Variants in PAG1 observed in about 807,000 individuals in gnomAD.
PAG1 encodes phosphoprotein associated with glycosphingolipid-enriched microdomains 1.
PAG1 carries 23 observed loss-of-function variants against 31.7 expected under a neutral mutation model. The observed-to-expected ratio is 0.73, with a 90% CI of 0.52 to 1.03. The LOEUF (loss-of-function observed/expected upper bound fraction) is 1.03, where lower values mean the gene tolerates loss of function less well. Ranked by LOEUF, PAG1 falls within the 50% of genes least tolerant of loss-of-function variation. The pLI is 0.00. For synonymous variants in PAG1, 214 were observed against 210.3 expected, an observed-to-expected ratio of 1.02 and a Z score of -0.15; for missense variants, 473 against 540.7, an observed-to-expected ratio of 0.87 and a Z score of 1.24.
Position 80,974,560 on chromosome 8 carries a change from TACCTCAAC to T in PAG1, c.*1976_*1983del. ...GCAAAATAATGACAACCAACCAGTT[TACCTCAAC>T]ATAGCTCACTCTGCAATGTCAGACA... On this transcript the variant is annotated 3_prime_UTR_variant, in exon 9 of 9. Coordinates refer to ENST00000220597, the MANE Select transcript of PAG1 (RefSeq NM_018440.4). The T allele has an allele frequency of 6.6e-6, 1 of 152,324 alleles. No individual in the cohort carries two copies. The highest frequency in any genetic ancestry group is 1.5e-5 in the Non-Finnish European group (1 of 68,024). The allele number at this position is 152,324 out of a possible 1,614,324, so 9.4% of individuals were successfully genotyped here. A position where few individuals can be genotyped will look rare whatever the true frequency, so the allele number is the denominator to read the frequency against.
chr8:81,015,422 T>C (rs1030679020), intron 3 of PAG1, among the ~76,000 whole-genome samples: 8 of 152,218 alleles, frequency 5.3e-5, no homozygotes, highest in Non-Finnish European at 1.0e-4. Context: ...ATTCTACACA[T>C]TGCAGCTGCC....
chr8:80,980,143 A>T (rs1409981068), intron 8 of PAG1, among the ~76,000 whole-genome samples: 1 of 152,064 alleles, frequency 6.6e-6, no homozygotes, highest in African/African-American at 2.4e-5. Context: ...CCCACGCTGG[A>T]ATTTTTCTCT....
intron 1 of PAG1, among the ~76,000 whole-genome samples, chr8:81,095,599 ACT>A (rs1809516410): frequency 6.6e-6 from 1 of 151,650 alleles, no homozygotes; most frequent in Non-Finnish European, 1.5e-5. Context: ...TATATATTTT[ACT>A]CTCTGCTAAA....
Position 81,065,322 on chromosome 8 carries a change from TTTC to T in PAG1, c.-175+4787_-175+4789del, listed in dbSNP as rs753538350. ...TCTTTTTTTTCTCTTTTCACTTCCTTTTCTTCTTCTTCTTTTTTTAAATATCAA... is the reference window on the plus strand; with the variant it reads ...TCTTTTTTTTCTCTTTTCACTTCCTTTTCTTCTTCTTTTTTTAAATATCAA... On this transcript the variant is annotated intron_variant, in intron 2 of 8. Transcript: ENST00000220597. Among the ~76,000 whole-genome samples, 25 of 152,322 alleles carry T rather than the reference TTTC, an allele frequency of 1.6e-4. 2 individuals are homozygous for T. Among genetic ancestry groups the T allele is most frequent in the East Asian group, 1.2e-3 (6 of 5,186 alleles).
intron 2 of PAG1, among the ~76,000 whole-genome samples, chr8:81,039,807 G>C (rs1808525085): frequency 6.6e-6 from 1 of 152,108 alleles, no homozygotes; most frequent in Admixed American, 6.5e-5. Context: ...CAAAATAACA[G>C]GTAGGTTCAC....
At chr8:81,021,780 G>C (rs1808176528) in intron 3 of PAG1, among the ~76,000 whole-genome samples, 1 of 152,078 alleles carries the variant, frequency 6.6e-6, no homozygotes, top group African/African-American at 2.4e-5. Context: ...CCTGGAAACA[G>C]AGTTTCTGAT....
rs554932519 is a variant in PAG1, at chr8:80,974,152, GTTTTTTTTTTT to G, written c.*2381_*2391del. ...ATTATTTATGAGCTTTCTATAAAAA[GTTTTTTTTTTT>G]TTTTTTTTTTTACTTTAGAGATCAT... On this transcript the variant is annotated 3_prime_UTR_variant, in exon 9 of 9. Transcript: ENST00000220597. 1 of 115,378 alleles carries G rather than the reference GTTTTTTTTTTT, an allele frequency of 8.7e-6. No homozygotes were observed. The highest frequency in any genetic ancestry group is 1.7e-5 in the Non-Finnish European group (1 of 57,806). 7.1% of individuals were successfully genotyped at this position (115,378 alleles called of 1,614,324 possible).
Position 80,993,142 on chromosome 8 carries a change from A to G in PAG1, c.86T>C (p.Val29Ala), listed in dbSNP as rs1253173276. ...GCACAGGAAGATGAGGAAGGTGATGACGAAGAAAATGGCGACAGCAGCCAG... is the reference window on the plus strand; with the variant it reads ...GCACAGGAAGATGAGGAAGGTGATGGCGAAGAAAATGGCGACAGCAGCCAG... ...GSLAAVAIFF[V>A]ITFLIFLCSS... The change falls in exon 4 of 9, where the codon GTC (valine) becomes GCC (alanine). Residue 29 changes from valine (V) to alanine (A), a missense_variant. Coordinates refer to ENST00000220597, the MANE Select transcript of PAG1 (RefSeq NM_018440.4). 2 of 1,613,924 alleles carry G rather than the reference A, an allele frequency of 1.2e-6. No individual in the cohort carries two copies. The highest frequency in any genetic ancestry group is 3.3e-5 in the Admixed American group (2 of 60,008).
intron 1 of PAG1, among the ~76,000 whole-genome samples, chr8:81,106,219 T>C (rs1018343441): frequency 2.6e-5 from 4 of 152,090 alleles, no homozygotes; most frequent in Admixed American, 6.5e-5. Context: ...CTAATTTTTG[T>C]ATTTTTAGTA....
At chr8:81,058,352 T>TA (rs546890347) in intron 2 of PAG1, among the ~76,000 whole-genome samples, 75 of 152,248 alleles carry the variant, frequency 4.9e-4, no homozygotes, top group African/African-American at 1.8e-3. Flanking sequence ...GAAAAACAAA[T>TA]TAAAAAATGC....
rs1334692492 is a variant in PAG1, at chr8:80,987,445, T to G, written c.199A>C (p.Ser67Arg). 2 of 1,613,608 alleles carry G rather than the reference T, an allele frequency of 1.2e-6. No homozygotes were observed. The highest frequency in any genetic ancestry group is 1.7e-6 in the Non-Finnish European group (2 of 1,179,620). ...MNVPSDKEMF[S>R]RSVTSLATDA... ...GTTGCCAGGCTAGTAACTGAACGGCTGAACATCTCCTTGTCTGAAGGCTGA... is the reference window on the plus strand; with the variant it reads ...GTTGCCAGGCTAGTAACTGAACGGCGGAACATCTCCTTGTCTGAAGGCTGA... The change falls in exon 6 of 9, where the codon AGC becomes CGC. Residue 67 changes from serine to arginine, a missense_variant. Physicochemically the swap from Ser to Arg is moderately radical, Grantham distance 110 (BLOSUM62 -1). Transcript: ENST00000220597.
intron 2 of PAG1, among the ~76,000 whole-genome samples, chr8:81,048,366 T>C (rs768188361): frequency 5.3e-5 from 8 of 151,944 alleles, no homozygotes; most frequent in South Asian, 2.1e-4. Context: ...CAAGGGGAGG[T>C]TGAGTGACAT....
At chr8:80,992,087 G>C (rs541893619) in intron 4 of PAG1, among the ~76,000 whole-genome samples, 147 of 152,286 alleles carry the variant, frequency 9.7e-4, no homozygotes, top group African/African-American at 3.3e-3. Context: ...AGAATACGCC[G>C]CCCATCCACG....
chr8:80,995,412 C>T (rs1012087331), intron 3 of PAG1, among the ~76,000 whole-genome samples: 2 of 152,178 alleles, frequency 1.3e-5, no homozygotes, highest in African/African-American at 4.8e-5. Context: ...CAGCTATAAA[C>T]AAATGAAAAT....
intron 2 of PAG1, among the ~76,000 whole-genome samples, chr8:81,055,155 T>G (rs1006723591): frequency 6.6e-6 from 1 of 151,520 alleles, no homozygotes; most frequent in Non-Finnish European, 1.5e-5. Context: ...CCTACAACTC[T>G]TGGGCTCAAG....
In PAG1 at chr8:80,991,518, C is replaced by G; in HGVS notation, c.138G>C (p.Pro46=). ...TCTCATGGTCCCCACTATGCTGTCGCGGCTTCTTTTCCCTGAAATGAAAAG... is the reference window on the plus strand; with the variant it reads ...TCTCATGGTCCCCACTATGCTGTCGGGGCTTCTTTTCCCTGAAATGAAAAG... ...LCSSCDREKK[P]RQHSGDHENL... The change falls in exon 5 of 9, where the codon CCG becomes CCC. Residue 46 remains proline (P), a synonymous_variant. Coordinates refer to ENST00000220597, the MANE Select transcript of PAG1 (RefSeq NM_018440.4). The G allele has an allele frequency of 6.2e-7, 1 of 1,613,492 alleles. No homozygotes were observed. Among genetic ancestry groups the G allele is most frequent in the Non-Finnish European group, 8.5e-7 (1 of 1,179,396 alleles).
At chr8:80,981,126 C>A (rs889905240) in intron 7 of PAG1, among the ~76,000 whole-genome samples, 1 of 152,082 alleles carries the variant, frequency 6.6e-6, no homozygotes, top group African/African-American at 2.4e-5. Flanking sequence ...GTCCCCTCTC[C>A]ATGTCCACCC....
chr8:81,017,290 T>C (rs1021353781), intron 3 of PAG1, among the ~76,000 whole-genome samples: 3 of 152,232 alleles, frequency 2.0e-5, no homozygotes, highest in African/African-American at 7.2e-5. Flanking sequence ...TACACTAAGA[T>C]TTCTCTAACA....
At chr8:81,069,042 T>C (rs574002176) in intron 2 of PAG1, among the ~76,000 whole-genome samples, 3 of 152,170 alleles carry the variant, frequency 2.0e-5, no homozygotes, top group South Asian at 4.1e-4. Context: ...GTTTTTAGAA[T>C]GTGGATAATC....
Sources: gnomAD v4.1 joint callset for allele counts (sites outside exome capture counted in the v4.1 genomes callset) on GRCh38, gnomAD v4.1.1 for gene constraint, MANE v1.5 for transcripts, NCBI Gene and HGNC (gene_info 2026-07-23, HGNC 2026-07-21) for gene names.